TMED10: variants seen among roughly 807,000 people sequenced by gnomAD.
The protein encoded by TMED10 is transmembrane p24 trafficking protein 10, also known as transmembrane emp24 domain-containing protein 10.
In TMED10, 7 loss-of-function variants were observed where a neutral mutation model predicts 23.1. The observed-to-expected ratio is 0.30, with a 90% CI of 0.17 to 0.57. TMED10 has a LOEUF of 0.57. Among genes scored for constraint, TMED10 ranks in the 20% least tolerant of loss-of-function variants. The pLI is 0.91. For missense variants in TMED10, 162 were observed against 274.8 expected (o/e 0.59, Z 2.90); for synonymous variants, 113 against 106.9 (o/e 1.06, Z -0.35).
chr14:75,167,302 A>T (rs1896177180), intron 1 of TMED10, among the ~76,000 whole-genome samples: 1 of 152,128 alleles, frequency 6.6e-6, no homozygotes, highest in South Asian at 2.1e-4. Flanking sequence ...ACCAGTAATA[A>T]AAAAGCTGAA....
intron 3 of TMED10, among the ~76,000 whole-genome samples, chr14:75,139,921 T>C (rs1295959094): frequency 6.6e-6 from 1 of 152,134 alleles, no homozygotes; most frequent in African/African-American, 2.4e-5. Context: ...ATGTTGAATC[T>C]AAACCTAGAA....
chr14:75,136,153 C>G (rs1164414761), intron 3 of TMED10, among the ~76,000 whole-genome samples: 1 of 152,032 alleles, frequency 6.6e-6, no homozygotes, highest in Non-Finnish European at 1.5e-5. Context: ...ATACTATTGT[C>G]TCAAGATTTT....
chr14:75,169,981 AC>A (rs1566676507), intron 1 of TMED10, among the ~76,000 whole-genome samples: 1 of 151,626 alleles, frequency 6.6e-6, no homozygotes. Flanking sequence ...TAATCCCAGC[AC>A]TTTGGGAGGC....
chr14:75,167,100 C>A (rs1483058614), intron 1 of TMED10, among the ~76,000 whole-genome samples: 1 of 151,982 alleles, frequency 6.6e-6, no homozygotes, highest in Non-Finnish European at 1.5e-5. Context: ...CACTACCACG[C>A]CTGGCTAATT....
chr14:75,172,986 C>T (rs1242893176), intron 1 of TMED10, among the ~76,000 whole-genome samples: 1 of 152,122 alleles, frequency 6.6e-6, no homozygotes, highest in Non-Finnish European at 1.5e-5. Context: ...CCATGGCCCT[C>T]GGGTGGGCCG....
At chr14:75,171,287 T>A (rs1896230330) in intron 1 of TMED10, among the ~76,000 whole-genome samples, 2 of 151,684 alleles carry the variant, frequency 1.3e-5, no homozygotes, top group Admixed American at 1.3e-4. Context: ...TTTAATTTTT[T>A]TTTTTTTTTT....
At chr14:75,136,058 C>A (rs1330044748) in intron 3 of TMED10, among the ~76,000 whole-genome samples, 172 bp from the exon 4 acceptor site, 1 of 152,182 alleles carries the variant, frequency 6.6e-6, no homozygotes, top group Non-Finnish European at 1.5e-5. Flanking sequence ...TAGACTATAT[C>A]TTTCCATTTC....
At chr14:75,148,291 T>C (rs138464647) in intron 2 of TMED10, among the ~76,000 whole-genome samples, 1 of 152,190 alleles carries the variant, frequency 6.6e-6, no homozygotes, top group South Asian at 2.1e-4. Context: ...TTTTATCTAA[T>C]ATTCCACTTT....
chr14:75,143,587 A>C (rs2139836716), intron 3 of TMED10, among the ~76,000 whole-genome samples: 1 of 152,084 alleles, frequency 6.6e-6, no homozygotes, highest in East Asian at 1.9e-4. Context: ...GCCCCCACCA[A>C]CTCCAGGAGC....
At chr14:75,143,623 A>G (rs2139836733) in intron 3 of TMED10, among the ~76,000 whole-genome samples, 1 of 152,240 alleles carries the variant, frequency 6.6e-6, no homozygotes, top group African/African-American at 2.4e-5. Context: ...AAGACCATCT[A>G]GTCTAACACA....
At chr14:75,156,437 A>C (rs1382462110) in intron 1 of TMED10, among the ~76,000 whole-genome samples, 1 of 152,178 alleles carries the variant, frequency 6.6e-6, no homozygotes, top group Non-Finnish European at 1.5e-5. Flanking sequence ...GTAAATGCCC[A>C]CAGAGATCAA....
chr14:75,170,191 GCA>G (rs2139861744), intron 1 of TMED10, among the ~76,000 whole-genome samples: 1 of 152,214 alleles, frequency 6.6e-6, no homozygotes, highest in East Asian at 1.9e-4. Flanking sequence ...TTGCACCACC[GCA>G]CTGCAGCCTG....
At chr14:75,160,009 T>G (rs1351440569) in intron 1 of TMED10, among the ~76,000 whole-genome samples, 1 of 152,154 alleles carries the variant, frequency 6.6e-6, no homozygotes, top group South Asian at 2.1e-4. Context: ...ATGCTGGAAG[T>G]TCGCCCAAGG....
chr14:75,163,916 C>T (rs985342627), intron 1 of TMED10, among the ~76,000 whole-genome samples: 17 of 152,000 alleles, frequency 1.1e-4, no homozygotes, highest in South Asian at 2.1e-4. Flanking sequence ...CACACCACCA[C>T]GCCCAGCTAC....
At position 75,131,565 on chromosome 14, in the gene TMED10, A is replaced by C. The variant is rs1328352004; in HGVS notation, c.*3320T>G. ...TATAAATCCCATATGCCTCTTTCCCAAACAAACCAAGAAATGGCTTTATGA... is the reference window on the plus strand; with the variant it reads ...TATAAATCCCATATGCCTCTTTCCCCAACAAACCAAGAAATGGCTTTATGA... On this transcript the variant is annotated 3_prime_UTR_variant, in exon 5 of 5. Transcript: ENST00000303575. The C allele has an allele frequency of 1.3e-5, 2 of 152,628 alleles. No individual in the cohort carries two copies. Among genetic ancestry groups the C allele is most frequent in the African/African-American group, 2.4e-5 (1 of 41,448 alleles). 9.5% of individuals were successfully genotyped at this position (152,628 alleles called of 1,614,324 possible).
intron 1 of TMED10, among the ~76,000 whole-genome samples, chr14:75,159,402 GAA>G (rs1231916047): frequency 2.6e-5 from 4 of 152,196 alleles, no homozygotes; most frequent in Non-Finnish European, 5.9e-5. Flanking sequence ...TGAAAGTACT[GAA>G]AAGAGTCATC....
intron 3 of TMED10, among the ~76,000 whole-genome samples, chr14:75,142,821 T>C (rs2139836043): frequency 6.6e-6 from 1 of 152,316 alleles, no homozygotes; most frequent in Admixed American, 6.5e-5. Context: ...CAAGTGTTTC[T>C]TGTATACTAA....
Position 75,173,487 on chromosome 14 carries a change from G to A in TMED10, c.225+2868C>T, listed in dbSNP as rs539102675. 1.8e-4 allele frequency among the ~76,000 whole-genome samples: 28 copies of A among 152,192 alleles called. 1 individual carries two copies. The South Asian group carries it at 5.2e-3, about 28-fold the overall frequency. ...AAGTCTCATCAAGAACTAAGTATTG[G>A]TCACCCCTAATTAACAGTTTCTACT... On this transcript the variant is annotated intron_variant, in intron 1 of 4. Coordinates refer to ENST00000303575, the MANE Select transcript of TMED10 (RefSeq NM_006827.6).
intron 1 of TMED10, among the ~76,000 whole-genome samples, chr14:75,162,021 C>CCGGGG (rs199631827): frequency 0.045 from 6,772 of 151,340 alleles, 163 homozygotes; most frequent in African/African-American, 0.052. Flanking sequence ...AACCAGAGGT[C>CCGGGG]CGGGGCGGGG....
Sources: allele counts gnomAD v4.1 joint callset (sites outside exome capture counted in the v4.1 genomes callset), GRCh38; gene constraint gnomAD v4.1.1; transcripts MANE v1.5; gene names NCBI Gene and HGNC (gene_info 2026-07-23, HGNC 2026-07-21).